The following NAGS variants were observed in gnomAD, a reference collection of about 807,000 sequenced individuals.
NAGS encodes N-acetylglutamate synthase, mitochondrial.
In NAGS, 34 loss-of-function variants were observed where a neutral mutation model predicts 46.9. The ratio of observed to expected loss-of-function variants is 0.72; its 90% CI spans 0.55 to 0.97. NAGS has a LOEUF of 0.97. NAGS is among the 50% of genes least tolerant of loss of function. The pLI, the probability that NAGS is intolerant of heterozygous loss-of-function variation, is 0.00. For synonymous variants in NAGS, 334 were observed against 346.3 expected, an observed-to-expected ratio of 0.96 and a Z score of 0.39; for missense variants, 665 against 747.0, an observed-to-expected ratio of 0.89 and a Z score of 1.28.
rs748372797 is a variant in NAGS at position 44,008,589 on chromosome 17, C to T, written c.1593C>T (p.Asp531=). 3 of 1,613,732 alleles carry T rather than the reference C, an allele frequency of 1.9e-6. No homozygotes were observed. Among genetic ancestry groups the T allele is most frequent in the Non-Finnish European group, 2.5e-6 (3 of 1,179,758 alleles). The stretch of plus-strand genomic sequence containing the variant: ...ACTCCTTTCACAAGCCAGCTTCTGA[C>T]CCAGGCAGCTGACCCTCACCATGGA... The part of the protein sequence containing the change: ...LPDSFHKPAS[D]PGS The change falls in exon 7 of 7, where the codon GAC becomes GAT. Residue 531 remains aspartate, a synonymous_variant. Transcript: ENST00000293404.
Position 44,006,454 on chromosome 17 carries a change from AAG to A in NAGS, c.916-70_916-69del, listed in dbSNP as rs1427899697. On this transcript the variant is annotated intron_variant, in intron 3 of 6. Coordinates refer to ENST00000293404, the MANE Select transcript of NAGS (RefSeq NM_153006.3). The surrounding 1 kb of genome is among the most constrained non-coding windows in gnomAD (Gnocchi z 4.8). ...AAGTAAGGATAAAGGGGTCAGAGAA[AAG>A]AGAGGTCCGTGGGGGTAGGGGGGCA... 2 of 1,538,676 alleles carry A rather than the reference AAG, an allele frequency of 1.3e-6. No homozygotes were observed. The highest frequency in any genetic ancestry group is 2.0e-5 in the Admixed American group (1 of 50,886).
Position 44,006,186 on chromosome 17 carries a change from C to A in NAGS, c.864C>A (p.Thr288=). The A allele has an allele frequency of 6.2e-7, 1 of 1,613,422 alleles. No homozygotes were observed. Among genetic ancestry groups the A allele is most frequent in the Non-Finnish European group, 8.5e-7 (1 of 1,180,016 alleles). Residue 288 remains threonine, a synonymous_variant, in exon 3 of 7, where the codon ACC becomes ACA. Transcript: ENST00000293404. This position sits in a 1 kb window ranked among gnomAD's most constrained non-coding sequence, Gnocchi z 4.8. ...CGCTGGCCAAGGCGCTGCGGCCCAC[C>A]AAAATCATCTTCCTCAATAACACAG... ...TASLAKALRP[T]KIIFLNNTGG... is the part of the protein sequence containing the mutation.
In NAGS at chr17:44,005,066, G is replaced by T; in HGVS notation, c.403G>T (p.Asp135Tyr). The change falls in exon 1 of 7, where the codon GAC (aspartate) becomes TAC (tyrosine). Residue 135 changes from aspartate to tyrosine, a missense_variant. Physicochemically the swap from Asp to Tyr is radical, Grantham distance 160 (BLOSUM62 -3). Coordinates refer to ENST00000293404, the MANE Select transcript of NAGS (RefSeq NM_153006.3). The surrounding 1 kb of genome is among the most constrained non-coding windows in gnomAD (Gnocchi z 7.2). Reference sequence around the variant, plus strand: ...GTTCCAGACCTGCCATCACTCCGCGGACAAGCCCTTCGCCGTCATCGAGGT... The same window carrying T: ...GTTCCAGACCTGCCATCACTCCGCGTACAAGCCCTTCGCCGTCATCGAGGT... ...TQFQTCHHSA[D>Y]KPFAVIEVDE... 2.5e-6 allele frequency: 4 copies of T among 1,574,244 alleles called. No individual in the cohort carries two copies. The highest frequency in any genetic ancestry group is 3.4e-6 in the Non-Finnish European group (4 of 1,164,226).
chr17:44,007,298 C>G lies in NAGS; in HGVS notation c.1097-25C>G, dbSNP rs1597866139. On this transcript the variant is annotated intron_variant, in intron 4 of 6. Coordinates refer to ENST00000293404, the MANE Select transcript of NAGS (RefSeq NM_153006.3). The surrounding 1 kb of genome is among the most constrained non-coding windows in gnomAD (Gnocchi z 5.1). The stretch of plus-strand genomic sequence containing the variant: ...CTGCGCAAACGGCCCTCCAGCCAGA[C>G]TAGCCCCTCCCCATCCTCCTCCAGG... The G allele has an allele frequency of 6.2e-7, 1 of 1,612,484 alleles. No homozygotes were observed. The highest frequency in any genetic ancestry group is 8.5e-7 in the Non-Finnish European group (1 of 1,179,392).
rs768762162 is a variant in NAGS, at chr17:44,007,366, G to A, written c.1140G>A (p.Val380=). ...AGAACGCCGAGCGAATGCTACGGGTGCGCAGCCTGGACAAGCTGGACCAGG... is the reference window on the plus strand; with the variant it reads ...AGAACGCCGAGCGAATGCTACGGGTACGCAGCCTGGACAAGCTGGACCAGG... ...LFKNAERMLR[V]RSLDKLDQGR... The change falls in exon 5 of 7, where the codon GTG becomes GTA. Residue 380 remains valine (V), a synonymous_variant. Coordinates refer to ENST00000293404, the MANE Select transcript of NAGS (RefSeq NM_153006.3). This position sits in a 1 kb window ranked among gnomAD's most constrained non-coding sequence, Gnocchi z 5.1. 1 of 1,613,832 alleles carries A rather than the reference G, an allele frequency of 6.2e-7. No individual in the cohort carries two copies. Among genetic ancestry groups the A allele is most frequent in the African/African-American group, 1.3e-5 (1 of 74,912 alleles).
intron 6 of NAGS, among the ~76,000 whole-genome samples, chr17:44,008,126 C>A (rs904915766): frequency 6.6e-6 from 1 of 152,186 alleles, no homozygotes; most frequent in African/African-American, 2.4e-5. Flanking sequence ...GCTCTGTGAG[C>A]ACTAGGAAGT....
At position 44,006,585 on chromosome 17, in the gene NAGS, G is replaced by C; in HGVS notation, c.972G>C (p.Trp324Cys). ...TGGACCTGGTGTGCAACGCCGAGTG[G>C]GTGAGCACAAAAGAACGGCAGCAGA... is the stretch of plus-strand genomic sequence containing the variant. Reference protein sequence around the residue: ...ADLDLVCNAEWVSTKERQQMR... With the variant: ...ADLDLVCNAECVSTKERQQMR... Residue 324 changes from tryptophan (W) to cysteine (C), a missense_variant, in exon 4 of 7, where the codon TGG (tryptophan) becomes TGC (cysteine). Trp to Cys is a radical substitution (Grantham distance 215). Coordinates refer to ENST00000293404, the MANE Select transcript of NAGS (RefSeq NM_153006.3). The surrounding 1 kb of genome is among the most constrained non-coding windows in gnomAD (Gnocchi z 4.8). 1 of 1,592,248 alleles carries C rather than the reference G, an allele frequency of 6.3e-7. No individual in the cohort carries two copies. The highest frequency in any genetic ancestry group is 8.6e-7 in the Non-Finnish European group (1 of 1,168,780).
chr17:44,007,877 G>T lies in NAGS; in HGVS notation c.1451+104G>T. On this transcript the variant is annotated intron_variant, in intron 6 of 6. Coordinates refer to ENST00000293404, the MANE Select transcript of NAGS (RefSeq NM_153006.3). This position sits in a 1 kb window ranked among gnomAD's most constrained non-coding sequence, Gnocchi z 5.1. ...GGCTGGGCTTCCTCTTCTTCCACTG[G>T]TCTCCCTTTCACTACCTCCCAGGGG... is the stretch of plus-strand genomic sequence containing the variant. The T allele has an allele frequency of 8.1e-7, 1 of 1,233,588 alleles. No homozygotes were observed. Among genetic ancestry groups the T allele is most frequent in the Non-Finnish European group, 1.2e-6 (1 of 860,564 alleles). 76.4% of individuals were successfully genotyped at this position (1,233,588 alleles called of 1,614,324 possible).
Position 44,007,303 on chromosome 17 carries a change from C to A in NAGS, c.1097-20C>A. Reference sequence around the variant, plus strand: ...CAAACGGCCCTCCAGCCAGACTAGCCCCTCCCCATCCTCCTCCAGGGTCCG... The same window carrying A: ...CAAACGGCCCTCCAGCCAGACTAGCACCTCCCCATCCTCCTCCAGGGTCCG... On this transcript the variant is annotated intron_variant, in intron 4 of 6. Coordinates refer to ENST00000293404, the MANE Select transcript of NAGS (RefSeq NM_153006.3). This position sits in a 1 kb window ranked among gnomAD's most constrained non-coding sequence, Gnocchi z 5.1. The A allele has an allele frequency of 6.2e-7, 1 of 1,613,038 alleles. No individual in the cohort carries two copies. Among genetic ancestry groups the A allele is most frequent in the Non-Finnish European group, 8.5e-7 (1 of 1,179,608 alleles).
In NAGS at chr17:44,008,589, C is replaced by G. The variant is rs748372797; in HGVS notation, c.1593C>G (p.Asp531Glu). ...LPDSFHKPAS[D>E]PGS ...ACTCCTTTCACAAGCCAGCTTCTGACCCAGGCAGCTGACCCTCACCATGGA... is the reference window on the plus strand; with the variant it reads ...ACTCCTTTCACAAGCCAGCTTCTGAGCCAGGCAGCTGACCCTCACCATGGA... Residue 531 changes from aspartate to glutamate, a missense_variant, in exon 7 of 7, where the codon GAC becomes GAG. Transcript: ENST00000293404. 25 of 1,613,614 alleles carry G rather than the reference C, an allele frequency of 1.5e-5. No individual in the cohort carries two copies. Among genetic ancestry groups the G allele is most frequent in the Non-Finnish European group, 2.0e-5 (24 of 1,179,766 alleles).
chr17:44,006,657 G>C lies in NAGS; in HGVS notation c.1044G>C (p.Ser348=), dbSNP rs1174496398. 3 of 1,608,286 alleles carry C rather than the reference G, an allele frequency of 1.9e-6. No individual in the cohort carries two copies. Among genetic ancestry groups the C allele is most frequent in the Non-Finnish European group, 2.5e-6 (3 of 1,177,252 alleles). ...DVLSRLPHHS[S]AVITAASTLL... is the part of the protein sequence containing the mutation. ...TCAGCCGCCTGCCCCACCACTCCTC[G>C]GCCGTCATCACCGCCGCTAGCACGC... Residue 348 remains serine (S), a synonymous_variant, in exon 4 of 7, where the codon TCG becomes TCC. Coordinates refer to ENST00000293404, the MANE Select transcript of NAGS (RefSeq NM_153006.3). The surrounding 1 kb of genome is among the most constrained non-coding windows in gnomAD (Gnocchi z 4.8).
In NAGS at chr17:44,005,022, C is replaced by G. The variant is rs750049954; in HGVS notation, c.359C>G (p.Ala120Gly). 1.3e-6 allele frequency: 2 copies of G among 1,563,732 alleles called. No homozygotes were observed. Among genetic ancestry groups the G allele is most frequent in the African/African-American group, 1.3e-5 (1 of 74,196 alleles). Residue 120 changes from alanine to glycine, a missense_variant, in exon 1 of 7, where the codon GCG becomes GGG. Coordinates refer to ENST00000293404, the MANE Select transcript of NAGS (RefSeq NM_153006.3). The surrounding 1 kb of genome is among the most constrained non-coding windows in gnomAD (Gnocchi z 7.2). ...CAGTGCGGGGCCAGCCCTGGGGAGG[C>G]GCGCCACTGGCTCACGCAGTTCCAG... ...LNQCGASPGE[A>G]RHWLTQFQTC... is the part of the protein sequence containing the mutation.
At position 44,006,818 on chromosome 17, in the gene NAGS, G is replaced by T. The variant is rs1390093589; in HGVS notation, c.1096+109G>T. 3 of 1,195,754 alleles carry T rather than the reference G, an allele frequency of 2.5e-6. No individual in the cohort carries two copies. Among genetic ancestry groups the T allele is most frequent in the Admixed American group, 2.7e-5 (1 of 37,648 alleles). The allele number at this position is 1,195,754 out of a possible 1,614,324, so 74.1% of individuals were successfully genotyped here. A position where few individuals can be genotyped will look rare whatever the true frequency, so the allele number is the denominator to read the frequency against. On this transcript the variant is annotated intron_variant, in intron 4 of 6. Transcript: ENST00000293404. The surrounding 1 kb of genome is among the most constrained non-coding windows in gnomAD (Gnocchi z 4.8). Reference sequence around the variant, plus strand: ...TTCTCCTCCTGTCCAGGAGCCGTAGGGGGAGGCGGGGGGTGTCACAGCAAT... The same window carrying T: ...TTCTCCTCCTGTCCAGGAGCCGTAGTGGGAGGCGGGGGGTGTCACAGCAAT...
At position 44,006,628 on chromosome 17, in the gene NAGS, G is replaced by A. The variant is rs763711792; in HGVS notation, c.1015G>A (p.Val339Met). ...ERQQMRLIVD[V>M]LSRLPHHSSA... ...GCAGCAGATGCGGCTCATCGTGGAC[G>A]TGCTCAGCCGCCTGCCCCACCACTC... The change falls in exon 4 of 7, where the codon GTG becomes ATG. Residue 339 changes from valine (V) to methionine (M), a missense_variant. Physicochemically the swap from Val to Met is conservative, Grantham distance 21. Coordinates refer to ENST00000293404, the MANE Select transcript of NAGS (RefSeq NM_153006.3). This position sits in a 1 kb window ranked among gnomAD's most constrained non-coding sequence, Gnocchi z 4.8. The A allele has an allele frequency of 1.2e-6, 2 of 1,608,268 alleles. No homozygotes were observed. The highest frequency in any genetic ancestry group is 4.5e-5 in the East Asian group (2 of 44,732).
Position 44,006,461 on chromosome 17 carries a change from G to T in NAGS, c.916-68G>T, listed in dbSNP as rs1170391991. The stretch of plus-strand genomic sequence containing the variant: ...GATAAAGGGGTCAGAGAAAAGAGAG[G>T]TCCGTGGGGGTAGGGGGGCAGTCCG... On this transcript the variant is annotated intron_variant, in intron 3 of 6. Coordinates refer to ENST00000293404, the MANE Select transcript of NAGS (RefSeq NM_153006.3). The surrounding 1 kb of genome is among the most constrained non-coding windows in gnomAD (Gnocchi z 4.8). 1.9e-6 allele frequency: 3 copies of T among 1,540,380 alleles called. No homozygotes were observed. Among genetic ancestry groups the T allele is most frequent in the Non-Finnish European group, 2.6e-6 (3 of 1,141,564 alleles).
In NAGS at chr17:44,007,518, C is replaced by T. The variant is rs1597866338; in HGVS notation, c.1268+24C>T. 2 of 1,613,512 alleles carry T rather than the reference C, an allele frequency of 1.2e-6. No individual in the cohort carries two copies. The highest frequency in any genetic ancestry group is 8.5e-7 in the Non-Finnish European group (1 of 1,179,908). On this transcript the variant is annotated intron_variant, in intron 5 of 6. Coordinates refer to ENST00000293404, the MANE Select transcript of NAGS (RefSeq NM_153006.3). The surrounding 1 kb of genome is among the most constrained non-coding windows in gnomAD (Gnocchi z 5.1). ...GGGTAAGCCTGCGGACCCCAGAGGGCGGGGTCTGGGGGGCAGTCGGGCAGC... is the reference window on the plus strand; with the variant it reads ...GGGTAAGCCTGCGGACCCCAGAGGGTGGGGTCTGGGGGGCAGTCGGGCAGC...
Position 44,007,840 on chromosome 17 carries a change from C to A in NAGS, c.1451+67C>A. ...CCCTCCCCTCTCCCACCCTTGCCAACCATGCCAAGAAGGCTGGGCTTCCTC... is the reference window on the plus strand; with the variant it reads ...CCCTCCCCTCTCCCACCCTTGCCAAACATGCCAAGAAGGCTGGGCTTCCTC... On this transcript the variant is annotated intron_variant, in intron 6 of 6. Coordinates refer to ENST00000293404, the MANE Select transcript of NAGS (RefSeq NM_153006.3). The surrounding 1 kb of genome is among the most constrained non-coding windows in gnomAD (Gnocchi z 5.1). 6.7e-7 allele frequency: 1 copy of A among 1,503,320 alleles called. No individual in the cohort carries two copies. Among genetic ancestry groups the A allele is most frequent in the Non-Finnish European group, 9.1e-7 (1 of 1,103,064 alleles). 93.1% of individuals were successfully genotyped at this position (1,503,320 alleles called of 1,614,324 possible).
chr17:44,006,802 T>C lies in NAGS; in HGVS notation c.1096+93T>C. ...GGTCAGGAGGAGCGGCTTCTCCTCCTGTCCAGGAGCCGTAGGGGGAGGCGG... is the reference window on the plus strand; with the variant it reads ...GGTCAGGAGGAGCGGCTTCTCCTCCCGTCCAGGAGCCGTAGGGGGAGGCGG... On this transcript the variant is annotated intron_variant, in intron 4 of 6. Transcript: ENST00000293404. The surrounding 1 kb of genome is among the most constrained non-coding windows in gnomAD (Gnocchi z 4.8). 1 of 1,349,020 alleles carries C rather than the reference T, an allele frequency of 7.4e-7. No individual in the cohort carries two copies. The allele number at this position is 1,349,020 out of a possible 1,614,324, so 83.6% of individuals were successfully genotyped here. A position where few individuals can be genotyped will look rare whatever the true frequency, so the allele number is the denominator to read the frequency against.
Position 44,005,165 on chromosome 17 carries a change from G to C in NAGS, c.426+76G>C, listed in dbSNP as rs1190409425. ...CGGCCACCTGTCCTCAGGCATGGCA[G>C]GATACGCTGCGGGCTCTGCGCAGCG... On this transcript the variant is annotated intron_variant, in intron 1 of 6. Coordinates refer to ENST00000293404, the MANE Select transcript of NAGS (RefSeq NM_153006.3). The surrounding 1 kb of genome is among the most constrained non-coding windows in gnomAD (Gnocchi z 7.2). 1 of 1,497,922 alleles carries C rather than the reference G, an allele frequency of 6.7e-7. No individual in the cohort carries two copies. The highest frequency in any genetic ancestry group is 1.4e-5 in the African/African-American group (1 of 72,280). 92.8% of individuals were successfully genotyped at this position (1,497,922 alleles called of 1,614,324 possible). A position where few individuals can be genotyped will look rare whatever the true frequency, so the allele number is the denominator to read the frequency against.
Sources: allele counts gnomAD v4.1 joint callset (sites outside exome capture counted in the v4.1 genomes callset), GRCh38; gene constraint gnomAD v4.1.1; non-coding constraint Gnocchi (gnomAD v3.1); transcripts MANE v1.5; gene names NCBI Gene and HGNC (gene_info 2026-07-23, HGNC 2026-07-21).